HDAC9: variants seen among roughly 807,000 people sequenced by gnomAD.
The protein encoded by HDAC9 is histone deacetylase 9, also known as MEF-2 interacting transcription repressor (MITR) protein.
HDAC9 carries 41 observed loss-of-function variants against 139.4 expected under a neutral mutation model. That is an observed-to-expected ratio of 0.29 (90% CI 0.23 to 0.38). The LOEUF (loss-of-function observed/expected upper bound fraction) is 0.38, where lower values mean the gene tolerates loss of function less well. HDAC9 is among the 10% of genes least tolerant of loss of function. HDAC9 has a pLI of 1.00. For missense variants in HDAC9, 1,147 were observed against 1,297.0 expected (o/e 0.88, Z 1.78); for synonymous variants, 517 against 476.2 (o/e 1.09, Z -1.12).
At chr7:18,674,804 C>T (rs908885821) in intron 12 of HDAC9, among the ~76,000 whole-genome samples, 7 of 151,950 alleles carry the variant, frequency 4.6e-5, no homozygotes, top group Non-Finnish European at 8.8e-5. Context: ...ATTTTTTAAA[C>T]TGGCTTTAGT....
chr7:18,782,668 G>A (rs953294388), intron 16 of HDAC9, among the ~76,000 whole-genome samples: 3 of 150,134 alleles, frequency 2.0e-5, no homozygotes, highest in African/African-American at 7.4e-5. Flanking sequence ...GATGTGCTGC[G>A]AAATAGAAAG....
At chr7:18,139,787 G>T (rs1785753598) in intron 1 of HDAC9, among the ~76,000 whole-genome samples, 1 of 152,186 alleles carries the variant, frequency 6.6e-6, no homozygotes, top group Non-Finnish European at 1.5e-5. Flanking sequence ...GAGACAGAGG[G>T]GTATTTAATA....
intron 2 of HDAC9, among the ~76,000 whole-genome samples, chr7:18,247,357 G>T (rs1794624623): frequency 6.6e-6 from 1 of 151,984 alleles, no homozygotes; most frequent in African/African-American, 2.4e-5. Context: ...AACTATAAAA[G>T]AAAGAATTGA....
chr7:18,595,799 G>C (rs892314952), intron 6 of HDAC9, among the ~76,000 whole-genome samples: 3 of 152,004 alleles, frequency 2.0e-5, no homozygotes, highest in Non-Finnish European at 4.4e-5. Flanking sequence ...AGCACCCAGT[G>C]AGAAAATCTG....
At chr7:18,969,657 C>T (rs532406374) in intron 24 of HDAC9, among the ~76,000 whole-genome samples, 2 of 151,820 alleles carry the variant, frequency 1.3e-5, no homozygotes, top group South Asian at 2.1e-4. Flanking sequence ...AGATAAAAAC[C>T]ATGCAAATTG....
At chr7:18,820,704 A>T (rs1395705065) in intron 17 of HDAC9, among the ~76,000 whole-genome samples, 3 of 152,188 alleles carry the variant, frequency 2.0e-5, no homozygotes, top group African/African-American at 4.8e-5. Context: ...TATATGTCAG[A>T]TACTATGTAA....
At chr7:18,155,581 G>A (rs1378002437) in intron 1 of HDAC9, among the ~76,000 whole-genome samples, 3 of 152,094 alleles carry the variant, frequency 2.0e-5, no homozygotes, top group Admixed American at 6.5e-5. Context: ...CCCAAGCTGC[G>A]TTCCCTGCTC....
chr7:18,605,281 A>G (rs193175065), intron 6 of HDAC9, among the ~76,000 whole-genome samples: 11 of 152,268 alleles, frequency 7.2e-5, no homozygotes, highest in Admixed American at 5.2e-4. Flanking sequence ...CTATAACCTT[A>G]CAACTAAATT....
At chr7:18,440,301 C>T (rs1791637253) in intron 1 of HDAC9, among the ~76,000 whole-genome samples, 2 of 151,808 alleles carry the variant, frequency 1.3e-5, no homozygotes, top group South Asian at 4.2e-4. Flanking sequence ...TCTCCTGCCT[C>T]AGCCTCCCGA....
At chr7:18,363,882 T>A (rs1376266505) in intron 1 of HDAC9, among the ~76,000 whole-genome samples, 1 of 152,158 alleles carries the variant, frequency 6.6e-6, no homozygotes, top group Admixed American at 6.6e-5. Flanking sequence ...GCCCCAGAAT[T>A]CATTTGCTTT....
At chr7:18,809,439 T>C (rs35930688) in intron 17 of HDAC9, among the ~76,000 whole-genome samples, 37,885 of 151,920 alleles carry the variant, frequency 0.25, 4,994 homozygotes, top group Middle Eastern at 0.31. Context: ...ACCATATATA[T>C]GATAAGAGGT....
intron 1 of HDAC9, among the ~76,000 whole-genome samples, chr7:18,357,089 C>T (rs2128682861): frequency 6.6e-6 from 1 of 152,130 alleles, no homozygotes; most frequent in Non-Finnish European, 1.5e-5. Context: ...TTTAAAAATA[C>T]CTGGAAATTT....
At chr7:18,712,468 A>G (rs779822857) in intron 12 of HDAC9, among the ~76,000 whole-genome samples, 3 of 152,238 alleles carry the variant, frequency 2.0e-5, no homozygotes, top group Non-Finnish European at 2.9e-5. Context: ...CAATTTATAA[A>G]TAGCTACTAA....
chr7:18,433,705 A>G (rs141998403), intron 1 of HDAC9, among the ~76,000 whole-genome samples: 17 of 152,292 alleles, frequency 1.1e-4, no homozygotes, highest in Admixed American at 1.1e-3. Context: ...CAGGAATACA[A>G]CTAACCAGGG....
intron 21 of HDAC9, among the ~76,000 whole-genome samples, chr7:18,859,879 A>G (rs1465756720): frequency 7.2e-6 from 1 of 139,226 alleles, no homozygotes; most frequent in Non-Finnish European, 1.6e-5. Flanking sequence ...TGAGAGAGAG[A>G]GAAATATATA....
chr7:18,290,600 C>G (rs1480075800), intron 1 of HDAC9: 1 of 454,468 alleles, frequency 2.2e-6, no homozygotes, highest in Non-Finnish European at 4.4e-6. Flanking sequence ...TGCAAATCGT[C>G]TTTAATAACT....
chr7:18,216,654 A>G (rs1792336568), intron 2 of HDAC9, among the ~76,000 whole-genome samples: 1 of 152,188 alleles, frequency 6.6e-6, no homozygotes. Context: ...TAGATTACCT[A>G]GTATTAAACC....
chr7:18,767,161 T>C lies in HDAC9; in HGVS notation c.2214+6T>C. The C allele has an allele frequency of 6.4e-7, 1 of 1,555,202 alleles. No homozygotes were observed. The highest frequency in any genetic ancestry group is 8.8e-7 in the Non-Finnish European group (1 of 1,142,318). Reference sequence around the variant, plus strand: ...TACCTTGTGGTGGACTTGGGGTAAGTACAAGTTGGTTTACTGCCTTTAAAT... The same window carrying C: ...TACCTTGTGGTGGACTTGGGGTAAGCACAAGTTGGTTTACTGCCTTTAAAT... On this transcript the variant is annotated splice_donor_region_variant and intron_variant, in intron 16 of 25. Transcript: ENST00000686413.
At chr7:18,138,512 T>C (rs371977100) in intron 1 of HDAC9, among the ~76,000 whole-genome samples, 36 of 138,098 alleles carry the variant, frequency 2.6e-4, no homozygotes, top group African/African-American at 9.0e-4. Flanking sequence ...GAAGCTGTAG[T>C]GAGAGAGAGA....
Sources: allele counts gnomAD v4.1 joint callset (sites outside exome capture counted in the v4.1 genomes callset), GRCh38; gene constraint gnomAD v4.1.1; transcripts MANE v1.5; gene names NCBI Gene and HGNC (gene_info 2026-07-23, HGNC 2026-07-21).